The following WWC1 variants were observed in gnomAD, a reference collection of about 807,000 sequenced individuals.
WWC1 encodes protein KIBRA.
WWC1 carries 55 observed loss-of-function variants against 138.4 expected under a neutral mutation model. That is an observed-to-expected ratio of 0.40 (90% CI 0.32 to 0.50). WWC1 has a LOEUF of 0.50. Among genes scored for constraint, WWC1 ranks in the 20% least tolerant of loss-of-function variants. The probability of loss-of-function intolerance (pLI) is 0.72; values close to 1 mark genes in which losing one functional copy is unlikely to be tolerated. For missense variants in WWC1, 1,226 were observed against 1,420.4 expected (o/e 0.86, Z 2.20); for synonymous variants, 524 against 564.9 (o/e 0.93, Z 1.03).
At chr5:168,371,772 C>G (rs1468607902) in intron 2 of WWC1, among the ~76,000 whole-genome samples, 1 of 152,162 alleles carries the variant, frequency 6.6e-6, no homozygotes, top group East Asian at 1.9e-4. Flanking sequence ...CAATCCATCT[C>G]CCCAATTTTA....
rs769505030 is a variant in WWC1, at chr5:168,444,532, G to A, written c.2472G>A (p.Glu824=). ...CTCTGTTGGAACAGACAGCAGTGGA[G>A]CTGGAGAAGAGGCAGGAGGGCAGGA... ...VSALLEQTAV[E]LEKRQEGRSS... is the part of the protein sequence containing the mutation. The change falls in exon 17 of 23, where the codon GAG becomes GAA. Residue 824 remains glutamate (E), a synonymous_variant. Transcript: ENST00000265293. The A allele has an allele frequency of 2.0e-5, 32 of 1,604,338 alleles. No individual in the cohort carries two copies. Among genetic ancestry groups the A allele is most frequent in the East Asian group, 4.5e-5 (2 of 44,684 alleles).
At chr5:168,427,252 T>G (rs1186977498) in intron 11 of WWC1, among the ~76,000 whole-genome samples, 1 of 152,204 alleles carries the variant, frequency 6.6e-6, no homozygotes, top group African/African-American at 2.4e-5. Flanking sequence ...GCAATAAGGA[T>G]AGTTGTAATG....
chr5:168,310,916 T>C (rs1417194185), intron 1 of WWC1, among the ~76,000 whole-genome samples: 2 of 152,172 alleles, frequency 1.3e-5, no homozygotes, highest in African/African-American at 4.8e-5. Flanking sequence ...AATAAGGTTG[T>C]TCTCTTACAT....
At chr5:168,423,457 C>T in intron 10 of WWC1, 76 bp from the exon 11 acceptor site, 1 of 1,481,288 alleles carries the variant, frequency 6.8e-7, no homozygotes, top group Non-Finnish European at 9.1e-7. Flanking sequence ...TGGTGCTTTC[C>T]AGAGCTCAGC....
chr5:168,337,571 C>T (rs1773599894), intron 1 of WWC1, among the ~76,000 whole-genome samples: 1 of 152,186 alleles, frequency 6.6e-6, no homozygotes, highest in Admixed American at 6.5e-5. Flanking sequence ...GGCCAGGAGG[C>T]CCTGAAAGAT....
intron 1 of WWC1, among the ~76,000 whole-genome samples, chr5:168,363,899 G>A (rs1370482907): frequency 5.3e-5 from 8 of 152,278 alleles, no homozygotes; most frequent in South Asian, 2.1e-4. Context: ...AACCACCACC[G>A]TGTATCTCTT....
intron 19 of WWC1, among the ~76,000 whole-genome samples, chr5:168,459,084 T>C (rs1045116721): frequency 6.6e-6 from 1 of 151,472 alleles, no homozygotes; most frequent in Non-Finnish European, 1.5e-5. Context: ...TGAAACCTTG[T>C]CTCTACAAAA....
chr5:168,301,053 G>T (rs1245952703), intron 1 of WWC1, among the ~76,000 whole-genome samples: 1 of 152,150 alleles, frequency 6.6e-6, no homozygotes, highest in African/African-American at 2.4e-5. Context: ...GGTGATAATG[G>T]TGATAAATAA....
At chr5:168,362,083 C>G (rs1431657544) in intron 1 of WWC1, among the ~76,000 whole-genome samples, 1 of 152,088 alleles carries the variant, frequency 6.6e-6, no homozygotes, top group East Asian at 1.9e-4. Context: ...AACTCCATCT[C>G]AAAAGATAAA....
chr5:168,429,819 T>C (rs1025225997), intron 13 of WWC1, among the ~76,000 whole-genome samples: 7 of 152,166 alleles, frequency 4.6e-5, no homozygotes, highest in Middle Eastern at 3.4e-3. Context: ...CCTGTAGTCC[T>C]AGCTACTTGA....
In WWC1 at chr5:168,408,495, C is replaced by A; in HGVS notation, c.721-12C>A. The A allele has an allele frequency of 6.2e-7, 1 of 1,613,662 alleles. No individual in the cohort carries two copies. Among genetic ancestry groups the A allele is most frequent in the Non-Finnish European group, 8.5e-7 (1 of 1,179,694 alleles). ...GAAGGCGCATCACTAACCCTGCTCT[C>A]CCCTCCTTCAGAGCCTTGCCATGTT... On this transcript the variant is annotated splice_polypyrimidine_tract_variant and intron_variant, in intron 6 of 22. Coordinates refer to ENST00000265293, the MANE Select transcript of WWC1 (RefSeq NM_015238.3).
intron 15 of WWC1, among the ~76,000 whole-genome samples, chr5:168,435,262 C>A (rs1782262992): frequency 6.6e-6 from 1 of 152,128 alleles, no homozygotes; most frequent in African/African-American, 2.4e-5. Flanking sequence ...CTTCTGCACT[C>A]CTGTCTGAGG....
At chr5:168,465,006 A>G (rs1757136451) in intron 21 of WWC1, 44 bp downstream of exon 21, 1 of 1,601,134 alleles carries the variant, frequency 6.2e-7, no homozygotes, top group Non-Finnish European at 8.5e-7. Flanking sequence ...GCTCTGCCCC[A>G]GAGAGTCGGG....
At chr5:168,447,524 C>T (rs1436638299) in intron 17 of WWC1, among the ~76,000 whole-genome samples, 1 of 147,290 alleles carries the variant, frequency 6.8e-6, no homozygotes, top group Non-Finnish European at 1.5e-5. Context: ...CACCTTTTCA[C>T]CAAGTATTCC....
intron 2 of WWC1, among the ~76,000 whole-genome samples, chr5:168,382,594 C>G (rs979527786): frequency 6.6e-6 from 1 of 152,150 alleles, no homozygotes; most frequent in Non-Finnish European, 1.5e-5. Context: ...GGGGGACCCA[C>G]GATTCCTGAA....
rs1756078291 is a variant in WWC1 at position 168,454,042 on chromosome 5, A to G, written c.2600A>G (p.Glu867Gly). 3 of 1,612,498 alleles carry G rather than the reference A, an allele frequency of 1.9e-6. No individual in the cohort carries two copies. Among genetic ancestry groups the G allele is most frequent in the Non-Finnish European group, 2.5e-6 (3 of 1,179,706 alleles). ...GAGGAGGTGGAGGAGGAGGAGGGAG[A>G]AGAGGATGTTTTCACCGAGAAAGCC... ...EEEEVEEEEG[E>G]EDVFTEKASP... Residue 867 changes from glutamate (E) to glycine (G), a missense_variant, in exon 18 of 23, where the codon GAA (glutamate) becomes GGA (glycine). Transcript: ENST00000265293.
intron 1 of WWC1, among the ~76,000 whole-genome samples, chr5:168,339,491 T>A (rs757159166): frequency 2.0e-5 from 3 of 152,198 alleles, no homozygotes; most frequent in Non-Finnish European, 4.4e-5. Flanking sequence ...CATTGTTGTA[T>A]ATGTGGTGGC....
intron 2 of WWC1, among the ~76,000 whole-genome samples, chr5:168,375,544 A>G (rs185860006): frequency 1.3e-5 from 2 of 152,206 alleles, no homozygotes; most frequent in East Asian, 1.9e-4. Context: ...AGCAATGCAG[A>G]CAACTCTTTC....
intron 12 of WWC1, among the ~76,000 whole-genome samples, chr5:168,428,456 G>A (rs1781686898): frequency 6.6e-6 from 1 of 152,038 alleles, no homozygotes; most frequent in Admixed American, 6.5e-5. Context: ...ATAGTGGTGT[G>A]AGTCTGTAAT....
Sources: gnomAD v4.1 joint callset for allele counts (sites outside exome capture counted in the v4.1 genomes callset) on GRCh38, gnomAD v4.1.1 for gene constraint, MANE v1.5 for transcripts, NCBI Gene and HGNC (gene_info 2026-07-23, HGNC 2026-07-21) for gene names.